CEP85L: variants seen among roughly 807,000 people sequenced by gnomAD.
The protein encoded by CEP85L is centrosomal protein of 85 kDa-like.
Under a neutral mutation model 100.3 loss-of-function variants are expected in CEP85L, and 60 were observed. That is an observed-to-expected ratio of 0.60 (90% confidence interval 0.49 to 0.74). CEP85L has a LOEUF of 0.74. Among genes scored for constraint, CEP85L ranks in the 30% least tolerant of loss-of-function variants. The pLI, the probability that CEP85L is intolerant of heterozygous loss-of-function variation, is 0.00. For synonymous variants in CEP85L, 319 were observed against 322.7 expected, an observed-to-expected ratio of 0.99 and a Z score of 0.12; for missense variants, 973 against 936.2, an observed-to-expected ratio of 1.04 and a Z score of -0.51.
chr6:118,519,623 T>G, intron 4 of CEP85L, among the ~76,000 whole-genome samples: 2 of 132,584 alleles, frequency 1.5e-5, no homozygotes, highest in African/African-American at 2.9e-5. Context: ...AAAAACAAGT[T>G]AGAAAAAGAA....
chr6:118,650,632 G>A (rs1044397165), intron 1 of CEP85L, among the ~76,000 whole-genome samples: 4 of 152,172 alleles, frequency 2.6e-5, no homozygotes, highest in Non-Finnish European at 5.9e-5. Flanking sequence ...TTCCCTTGGG[G>A]GTGGCTGAGA....
intron 2 of CEP85L, among the ~76,000 whole-genome samples, chr6:118,627,360 T>C (rs2115302759): frequency 6.6e-6 from 1 of 152,296 alleles, no homozygotes; most frequent in African/African-American, 2.4e-5. Context: ...CAGGCCAGCA[T>C]GTGAGAAGCC....
chr6:118,491,196 T>TACACACACACACACACAC (rs1160030823), intron 6 of CEP85L, among the ~76,000 whole-genome samples: 6 of 116,366 alleles, frequency 5.2e-5, no homozygotes, highest in East Asian at 2.3e-4. Context: ...CCAACATCTA[T>TACACACACACACACACAC]ACACACACAC....
chr6:118,693,799 T>A (rs926259815), intron 1 of CEP85L, among the ~76,000 whole-genome samples: 1 of 152,236 alleles, frequency 6.6e-6, no homozygotes, highest in African/African-American at 2.4e-5. Flanking sequence ...GGCCATGCTA[T>A]CTTTAGAAAC....
In CEP85L at chr6:118,634,891, T is replaced by C. The variant is rs183142557; in HGVS notation, c.74-2280A>G. 3.9e-5 allele frequency among the ~76,000 whole-genome samples: 6 copies of C among 152,214 alleles called. No homozygotes were observed. In the East Asian group the frequency reaches 9.6e-4, roughly 24 times the overall value. ...ATAGCATAAATAGGCTGGGACTATA[T>C]GTAAATGAAAAAATAAATATAAGAA... On this transcript the variant is annotated intron_variant, in intron 1 of 12. Transcript: ENST00000368491.
intron 4 of CEP85L, among the ~76,000 whole-genome samples, chr6:118,519,183 TG>T (rs1776464810): frequency 6.6e-6 from 1 of 151,946 alleles, no homozygotes; most frequent in Admixed American, 6.6e-5. Context: ...GGGCCAGGTG[TG>T]GTGGCTCATG....
chr6:118,528,225 T>TC (rs1388831631), intron 3 of CEP85L, among the ~76,000 whole-genome samples: 157 of 151,594 alleles, frequency 1.0e-3, no homozygotes, highest in Admixed American at 1.7e-3. Context: ...CTTTTTTTTT[T>TC]TTTAACGTTT....
intron 3 of CEP85L, among the ~76,000 whole-genome samples, chr6:118,554,914 C>T (rs1219054256): frequency 6.6e-6 from 1 of 152,180 alleles, no homozygotes; most frequent in Non-Finnish European, 1.5e-5. Flanking sequence ...TGAAGTACAA[C>T]TTACCAGTGT....
intron 1 of CEP85L, among the ~76,000 whole-genome samples, chr6:118,709,461 C>T (rs1376437623): frequency 6.6e-6 from 1 of 151,538 alleles, no homozygotes; most frequent in Non-Finnish European, 1.5e-5. Flanking sequence ...TGCCTTTTGG[C>T]GACAGAGCAG....
chr6:118,640,926 T>C (rs1318922064), intron 1 of CEP85L, among the ~76,000 whole-genome samples: 9 of 152,128 alleles, frequency 5.9e-5, no homozygotes. Context: ...TCCAGAAGGA[T>C]AACTAAAAAC....
At chr6:118,484,782 T>C (rs1774056164) in intron 6 of CEP85L, among the ~76,000 whole-genome samples, 1 of 152,176 alleles carries the variant, frequency 6.6e-6, no homozygotes, top group Non-Finnish European at 1.5e-5. Context: ...GTTAACAGAC[T>C]TGCAGAGAAA....
chr6:118,610,570 C>T (rs1166603237), intron 2 of CEP85L, among the ~76,000 whole-genome samples: 1 of 152,120 alleles, frequency 6.6e-6, no homozygotes, highest in African/African-American at 2.4e-5. Flanking sequence ...CCCTACCCAG[C>T]AGTAACAAGG....
chr6:118,516,380 G>A (rs1776279301), intron 4 of CEP85L, among the ~76,000 whole-genome samples: 1 of 152,196 alleles, frequency 6.6e-6, no homozygotes, highest in Admixed American at 6.5e-5. Flanking sequence ...CAGTGTAAAA[G>A]TGTTTCTATC....
intron 2 of CEP85L, among the ~76,000 whole-genome samples, chr6:118,571,200 T>C (rs1779867633): frequency 6.6e-6 from 1 of 152,208 alleles, no homozygotes. Context: ...TAGAGGTAGA[T>C]ATAATGCAAT....
At chr6:118,690,952 A>C (rs1488876572) in intron 1 of CEP85L, among the ~76,000 whole-genome samples, 3 of 151,870 alleles carry the variant, frequency 2.0e-5, no homozygotes, top group South Asian at 2.1e-4. Flanking sequence ...GATTGTTATC[A>C]CACCACTGCA....
Position 118,511,197 on chromosome 6 carries a change from CATT to C in CEP85L, c.1257+98_1257+100del, listed in dbSNP as rs527480384. On this transcript the variant is annotated intron_variant, in intron 5 of 12. Coordinates refer to ENST00000368491, the MANE Select transcript of CEP85L (RefSeq NM_001042475.3). ...TAAATAAATATAAATCATGTGAATACATTATTAAGTTGATTTAAAATGTCCTTA... is the reference window on the plus strand; with the variant it reads ...TAAATAAATATAAATCATGTGAATACATTAAGTTGATTTAAAATGTCCTTA... 4.1e-4 allele frequency: 308 copies of C among 754,474 alleles called. No homozygotes were observed. The African/African-American group carries it at 5.0e-3, about 12-fold the overall frequency. The allele number at this position is 754,474 out of a possible 1,614,324, so 46.7% of individuals were successfully genotyped here.
chr6:118,580,851 G>T (rs143359650), intron 2 of CEP85L, among the ~76,000 whole-genome samples: 3 of 152,112 alleles, frequency 2.0e-5, no homozygotes, highest in African/African-American at 7.2e-5. Context: ...TTTAGTAACC[G>T]GGAGTTTAAC....
chr6:118,679,826 T>A (rs1447377336), intron 1 of CEP85L, among the ~76,000 whole-genome samples: 1 of 152,170 alleles, frequency 6.6e-6, no homozygotes. Context: ...CATTTTTTTT[T>A]AACTACAATG....
At chr6:118,508,977 G>C (rs1039429400) in intron 5 of CEP85L, among the ~76,000 whole-genome samples, 3 of 151,980 alleles carry the variant, frequency 2.0e-5, no homozygotes, top group Admixed American at 6.6e-5. Context: ...ATTGATAGAA[G>C]TTTATCTTAT....
Sources: allele counts gnomAD v4.1 joint callset (sites outside exome capture counted in the v4.1 genomes callset), GRCh38; gene constraint gnomAD v4.1.1; transcripts MANE v1.5; gene names NCBI Gene and HGNC (gene_info 2026-07-23, HGNC 2026-07-21).